The following DLG2 variants were observed in gnomAD, a reference collection of about 807,000 sequenced individuals.
DLG2 encodes discs large MAGUK scaffold protein 2.
DLG2 carries 45 observed loss-of-function variants against 132.5 expected under a neutral mutation model. The observed-to-expected ratio is 0.34, with a 90% CI of 0.27 to 0.44. The LOEUF (loss-of-function observed/expected upper bound fraction) is 0.44. Among genes scored for constraint, DLG2 ranks in the 20% least tolerant of loss-of-function variants. The probability of loss-of-function intolerance (pLI) is 1.00; values close to 1 mark genes in which losing one functional copy is unlikely to be tolerated. For synonymous variants in DLG2, 424 were observed against 419.6 expected (o/e 1.01, Z -0.13); for missense variants, 1,045 against 1,196.9 (o/e 0.87, Z 1.87).
chr11:85,294,403 A>G lies in DLG2; in HGVS notation c.41-9038T>C, dbSNP rs567842927. Among the ~76,000 whole-genome samples, 18 of 152,256 alleles carry G rather than the reference A, an allele frequency of 1.2e-4. No individual in the cohort carries two copies. In the South Asian group the frequency reaches 3.5e-3, roughly 30 times the overall value. On this transcript the variant is annotated intron_variant, in intron 3 of 27. Coordinates refer to ENST00000376104, the MANE Select transcript of DLG2 (RefSeq NM_001142699.3). ...CGAAGAGGAATGAAGTATACAGTGC[A>G]GAATGGCATGGAAGAGGTAGAAGAT... is the stretch of plus-strand genomic sequence containing the variant.
chr11:85,197,764 G>C (rs1247880117), intron 4 of DLG2, among the ~76,000 whole-genome samples: 1 of 152,092 alleles, frequency 6.6e-6, no homozygotes, highest in East Asian at 1.9e-4. Flanking sequence ...CTCCATGACC[G>C]AGGAGGCCTC....
chr11:84,700,076 T>C (rs1291654588), intron 6 of DLG2, among the ~76,000 whole-genome samples: 1 of 151,662 alleles, frequency 6.6e-6, no homozygotes, highest in Non-Finnish European at 1.5e-5. Context: ...TTATATATAA[T>C]AGGTAGTTAA....
At chr11:83,913,699 A>C (rs1475719319) in intron 15 of DLG2, among the ~76,000 whole-genome samples, 8 of 152,214 alleles carry the variant, frequency 5.3e-5, no homozygotes, top group African/African-American at 1.9e-4. Flanking sequence ...GGCCAGGTGA[A>C]TGGTACATGT....
At chr11:84,855,059 T>C (rs191462383) in intron 6 of DLG2, among the ~76,000 whole-genome samples, 123 of 152,108 alleles carry the variant, frequency 8.1e-4, no homozygotes, top group African/African-American at 2.9e-3. Flanking sequence ...TGTAGTTCCA[T>C]GGTTGTGTCA....
chr11:85,316,532 G>A (rs975538608), intron 3 of DLG2, among the ~76,000 whole-genome samples: 1 of 151,884 alleles, frequency 6.6e-6, no homozygotes, highest in African/African-American at 2.4e-5. Flanking sequence ...GGGAATAAAT[G>A]AATACTATAG....
intron 18 of DLG2, among the ~76,000 whole-genome samples, chr11:83,776,049 G>A (rs1398428859): frequency 1.3e-5 from 2 of 152,022 alleles, no homozygotes; most frequent in African/African-American, 2.4e-5. Flanking sequence ...CAGAGATTGT[G>A]CCACTGCACT....
intron 18 of DLG2, among the ~76,000 whole-genome samples, chr11:83,747,340 C>T (rs2092996553): frequency 6.7e-6 from 1 of 149,766 alleles, no homozygotes; most frequent in South Asian, 2.1e-4. Flanking sequence ...GCCTTCCTTC[C>T]TGCCTTCCTT....
chr11:84,961,938 C>T (rs976648455), intron 6 of DLG2, among the ~76,000 whole-genome samples: 1 of 152,230 alleles, frequency 6.6e-6, no homozygotes, highest in Non-Finnish European at 1.5e-5. Flanking sequence ...AGCCCCACCC[C>T]AGCCCCACTC....
At chr11:84,176,581 T>C (rs564430974) in intron 8 of DLG2, among the ~76,000 whole-genome samples, 14 of 152,120 alleles carry the variant, frequency 9.2e-5, no homozygotes, top group African/African-American at 2.9e-4. Context: ...AAGAAAAATG[T>C]AGAAGTTTCT....
chr11:84,052,017 C>T (rs1475413965), intron 11 of DLG2, among the ~76,000 whole-genome samples: 2 of 151,584 alleles, frequency 1.3e-5, no homozygotes, highest in East Asian at 1.9e-4. Flanking sequence ...GGGTGAGGGG[C>T]GAGTGATGGA....
chr11:83,611,630 T>G (rs541069741), intron 19 of DLG2, among the ~76,000 whole-genome samples: 2 of 152,354 alleles, frequency 1.3e-5, no homozygotes, highest in African/African-American at 4.8e-5. Context: ...TTTCTTTTGC[T>G]AAATTGCCAG....
intron 6 of DLG2, among the ~76,000 whole-genome samples, chr11:85,017,734 C>G (rs1465822485): frequency 1.3e-5 from 2 of 152,156 alleles, no homozygotes; most frequent in African/African-American, 4.8e-5. Context: ...AGATATCAGT[C>G]AATACACAAC....
intron 18 of DLG2, among the ~76,000 whole-genome samples, chr11:83,656,929 G>A (rs76082875): frequency 0.073 from 11,079 of 151,910 alleles, 1,415 homozygotes; most frequent in African/African-American, 0.25. Flanking sequence ...CAATAGTCAC[G>A]TTTTTCATAC....
chr11:84,851,805 G>T (rs571297029), intron 6 of DLG2, among the ~76,000 whole-genome samples: 2 of 151,544 alleles, frequency 1.3e-5, no homozygotes, highest in South Asian at 2.1e-4. Flanking sequence ...TAATAATATC[G>T]TTTTCAAAGT....
intron 19 of DLG2, among the ~76,000 whole-genome samples, chr11:83,587,424 C>G (rs1372402952): frequency 2.6e-5 from 4 of 152,188 alleles, no homozygotes; most frequent in African/African-American, 7.2e-5. Flanking sequence ...TGCATACCAC[C>G]ATGCCCAGCT....
chr11:83,616,342 G>C (rs1391202409), intron 19 of DLG2, among the ~76,000 whole-genome samples: 8 of 152,142 alleles, frequency 5.3e-5, no homozygotes, highest in Non-Finnish European at 1.2e-4. Flanking sequence ...CTTCCCATGA[G>C]CAATGTTTGA....
chr11:83,821,007 G>T (rs1030711422), intron 17 of DLG2, among the ~76,000 whole-genome samples: 1 of 152,182 alleles, frequency 6.6e-6, no homozygotes, highest in Non-Finnish European at 1.5e-5. Context: ...TCCCATTAGC[G>T]AAGACTTCAA....
intron 6 of DLG2, among the ~76,000 whole-genome samples, chr11:84,704,613 C>A (rs188577128): frequency 6.6e-6 from 1 of 151,252 alleles, no homozygotes; most frequent in Admixed American, 6.6e-5. Flanking sequence ...AGTATACAAC[C>A]TAAATTTTCT....
At chr11:83,788,087 T>A (rs759815312) in intron 17 of DLG2, among the ~76,000 whole-genome samples, 1 of 152,200 alleles carries the variant, frequency 6.6e-6, no homozygotes, top group Admixed American at 6.5e-5. Flanking sequence ...CAGGTTGATA[T>A]GGGCTATGAA....
Sources: allele counts gnomAD v4.1 joint callset (sites outside exome capture counted in the v4.1 genomes callset), GRCh38; gene constraint gnomAD v4.1.1; transcripts MANE v1.5; gene names NCBI Gene and HGNC (gene_info 2026-07-23, HGNC 2026-07-21).